The following MYH10 variants were observed in gnomAD, a reference collection of about 807,000 sequenced individuals.
MYH10 encodes the protein myosin-10.
MYH10 carries 55 observed loss-of-function variants against 257.8 expected under a neutral mutation model. That is an observed-to-expected ratio of 0.21 (90% CI 0.17 to 0.27). The LOEUF is 0.27. Among genes scored for constraint, MYH10 ranks in the 10% least tolerant of loss-of-function variants. The pLI, the probability that MYH10 is intolerant of heterozygous loss-of-function variation, is 1.00. For synonymous variants in MYH10, 854 were observed against 921.7 expected, an observed-to-expected ratio of 0.93 and a Z score of 1.33; for missense variants, 1,631 against 2,500.6, an observed-to-expected ratio of 0.65 and a Z score of 7.42.
rs531976889 is a variant in MYH10, at chr17:8,567,852, T to C, written c.756+1868A>G. On this transcript the variant is annotated intron_variant, in intron 7 of 42. Transcript: ENST00000360416. Reference sequence around the variant, plus strand: ...GCAAAAACAGCAATCAGGTAGTTTTTAAAACTAACTCTGAGATTAAAGGAG... The same window carrying C: ...GCAAAAACAGCAATCAGGTAGTTTTCAAAACTAACTCTGAGATTAAAGGAG... 2.6e-5 allele frequency among the ~76,000 whole-genome samples: 4 copies of C among 152,328 alleles called. No homozygotes were observed. The South Asian group carries it at 8.3e-4, about 32-fold the overall frequency.
chr17:8,525,143 C>T (rs150214348), intron 17 of MYH10, among the ~76,000 whole-genome samples: 5 of 152,340 alleles, frequency 3.3e-5, no homozygotes, highest in Non-Finnish European at 7.3e-5. Flanking sequence ...GCCTGGAATG[C>T]CCAGCCCGCT....
chr17:8,514,014 C>A, intron 21 of MYH10, 120 bp from the exon 22 acceptor site: 2 of 870,186 alleles, frequency 2.3e-6, no homozygotes, highest in Non-Finnish European at 3.5e-6. Context: ...ATGATTGCAT[C>A]AATCAAGTCC....
Position 8,504,595 on chromosome 17 carries a change from C to T in MYH10, c.3599+99G>A, listed in dbSNP as rs1295798957. 2 of 1,053,828 alleles carry T rather than the reference C, an allele frequency of 1.9e-6. No homozygotes were observed. The highest frequency in any genetic ancestry group is 1.6e-5 in the African/African-American group (1 of 62,952). The allele number at this position is 1,053,828 out of a possible 1,614,324, so 65.3% of individuals were successfully genotyped here. On this transcript the variant is annotated intron_variant, in intron 28 of 42. Coordinates refer to ENST00000360416, the MANE Select transcript of MYH10 (RefSeq NM_001256012.3). The surrounding 1 kb of genome is among the most constrained non-coding windows in gnomAD (Gnocchi z 5.6). ...CCACCTGCCATCACAAGGAAAAGCA[C>T]ACCACCTCCCAAAGATAGCAAGCAC...
intron 2 of MYH10, among the ~76,000 whole-genome samples, chr17:8,610,739 G>A (rs139624917): frequency 1.6e-3 from 238 of 152,252 alleles, no homozygotes; most frequent in African/African-American, 5.1e-3. Context: ...CCGCAAGAAG[G>A]CCCCACCAGA....
At chr17:8,563,636 T>C (rs904975906) in intron 7 of MYH10, among the ~76,000 whole-genome samples, 2 of 152,174 alleles carry the variant, frequency 1.3e-5, no homozygotes, top group African/African-American at 2.4e-5. Context: ...CCTCAGTAAA[T>C]CTTTCAGGTA....
chr17:8,556,445 T>C (rs1485425455), intron 7 of MYH10, among the ~76,000 whole-genome samples: 1 of 152,194 alleles, frequency 6.6e-6, no homozygotes, highest in East Asian at 1.9e-4. Context: ...TGACAAGGAA[T>C]AAACCAGGGA....
rs878947551 is a variant in MYH10 at position 8,561,289 on chromosome 17, T to C, written c.757-7271A>G. 41 of 1,055,368 alleles carry C rather than the reference T, an allele frequency of 3.9e-5. No individual in the cohort carries two copies. The South Asian group carries it at 5.0e-4, about 13-fold the overall frequency. 65.4% of individuals were successfully genotyped at this position (1,055,368 alleles called of 1,614,324 possible). ...AAAAGGGCCGCGGCCACGTGCAGGCTATTCGCTGCACTAACTGTGCCCGAT... is the reference window on the plus strand; with the variant it reads ...AAAAGGGCCGCGGCCACGTGCAGGCCATTCGCTGCACTAACTGTGCCCGAT... On this transcript the variant is annotated intron_variant, in intron 7 of 42. Coordinates refer to ENST00000360416, the MANE Select transcript of MYH10 (RefSeq NM_001256012.3).
Position 8,542,251 on chromosome 17 carries a change from G to A in MYH10, c.1461C>T (p.Asn487=). 6.2e-7 allele frequency: 1 copy of A among 1,614,044 alleles called. No individual in the cohort carries two copies. The highest frequency in any genetic ancestry group is 8.5e-7 in the Non-Finnish European group (1 of 1,180,002). Residue 487 remains asparagine, a synonymous_variant, in exon 14 of 43, where the codon AAC becomes AAT. Transcript: ENST00000360416. ...ELNSFEQLCI[N]YTNEKLQQLF... is the part of the protein sequence containing the mutation. ...GCTGCTGCAGCTTCTCATTGGTGTA[G>A]TTGATGCAAAGTTGTTCAAAGGAGT... is the stretch of plus-strand genomic sequence containing the variant.
Position 8,477,344 on chromosome 17 carries a change from C to T in MYH10, c.5707-296G>A, listed in dbSNP as rs1029830452. On this transcript the variant is annotated intron_variant, in intron 41 of 42. Transcript: ENST00000360416. The surrounding 1 kb of genome is among the most constrained non-coding windows in gnomAD (Gnocchi z 4.2). ...TGACAGCGTTTACTGTCTTCACACA[C>T]GTGACCTAGGGGACTGAAAGGGAAT... is the stretch of plus-strand genomic sequence containing the variant. Among the ~76,000 whole-genome samples the T allele has an allele frequency of 7.2e-5, 11 of 152,156 alleles. No individual in the cohort carries two copies. Among genetic ancestry groups the T allele is most frequent in the Admixed American group, 2.0e-4 (3 of 15,284 alleles).
In MYH10 at chr17:8,506,284, G is replaced by C; in HGVS notation, c.3386+34C>G. 1.3e-6 allele frequency: 2 copies of C among 1,535,494 alleles called. No individual in the cohort carries two copies. Among genetic ancestry groups the C allele is most frequent in the South Asian group, 1.3e-5 (1 of 76,884 alleles). On this transcript the variant is annotated intron_variant, in intron 27 of 42. Transcript: ENST00000360416. This position sits in a 1 kb window ranked among gnomAD's most constrained non-coding sequence, Gnocchi z 5.0. ...AAGTCTGCTGAAACTCAGCCCCATG[G>C]GCTCCCGTGCAGCGCAGCTGCTGGG...
intron 2 of MYH10, among the ~76,000 whole-genome samples, chr17:8,612,369 C>T (rs1461957718): frequency 6.6e-6 from 1 of 152,146 alleles, no homozygotes; most frequent in East Asian, 1.9e-4. Flanking sequence ...AATCAATCTT[C>T]TATCTGTGAA....
At chr17:8,498,991 A>G (rs745836939) in intron 30 of MYH10, among the ~76,000 whole-genome samples, 51 of 152,334 alleles carry the variant, frequency 3.3e-4, no homozygotes, top group Non-Finnish European at 5.3e-4. Context: ...ACTAATGGAG[A>G]AGCTGAAGTG....
In MYH10 at chr17:8,511,071, T is replaced by TATATATATATATATATATATAC. The variant is rs1336387130; in HGVS notation, c.2953-1123_2953-1122insGTATATATATATATATATATAT. The TATATATATATATATATATATAC allele has an allele frequency of 1.9e-4, 16 of 82,324 alleles. 1 individual carries two copies. In the East Asian group the frequency reaches 2.1e-3, roughly 11 times the overall value. 5.1% of individuals were successfully genotyped at this position (82,324 alleles called of 1,614,324 possible). ...ATATATATATATATACACACATACA[T>TATATATATATATATATATATAC]ACATACACACACACACACTTAATAT... On this transcript the variant is annotated intron_variant, in intron 24 of 42. Coordinates refer to ENST00000360416, the MANE Select transcript of MYH10 (RefSeq NM_001256012.3).
At chr17:8,525,711 T>C (rs774934058) in intron 17 of MYH10, among the ~76,000 whole-genome samples, 3 of 152,214 alleles carry the variant, frequency 2.0e-5, no homozygotes, top group Non-Finnish European at 4.4e-5. Context: ...ATAATAATCC[T>C]GATTTTCAAA....
chr17:8,615,204 A>G (rs2085209840), intron 2 of MYH10, among the ~76,000 whole-genome samples: 1 of 152,120 alleles, frequency 6.6e-6, no homozygotes, highest in African/African-American at 2.4e-5. Flanking sequence ...ACATGAGCCC[A>G]GGACTTCAAG....
chr17:8,615,207 A>G (rs1243603112), intron 2 of MYH10, among the ~76,000 whole-genome samples: 1 of 152,100 alleles, frequency 6.6e-6, no homozygotes, highest in African/African-American at 2.4e-5. Flanking sequence ...TGAGCCCAGG[A>G]CTTCAAGGCT....
chr17:8,476,044 T>C, intron 42 of MYH10, 96 bp from the exon 43 acceptor site: 1 of 1,383,654 alleles, frequency 7.2e-7, no homozygotes, highest in Non-Finnish European at 9.7e-7. Flanking sequence ...ACCTTCCCCT[T>C]GCACCCCCTC....
At chr17:8,588,606 C>T (rs1325140129) in intron 4 of MYH10, among the ~76,000 whole-genome samples, 1 of 152,216 alleles carries the variant, frequency 6.6e-6, no homozygotes, top group Non-Finnish European at 1.5e-5. Context: ...ACTGAATAGC[C>T]TCCTAACTGG....
intron 2 of MYH10, among the ~76,000 whole-genome samples, chr17:8,622,187 T>C (rs375551551): frequency 6.6e-6 from 1 of 152,228 alleles, no homozygotes; most frequent in Non-Finnish European, 1.5e-5. Context: ...CTTCAAATCA[T>C]TGCCACCTCT....
Sources: allele counts gnomAD v4.1 joint callset (sites outside exome capture counted in the v4.1 genomes callset), GRCh38; gene constraint gnomAD v4.1.1; non-coding constraint Gnocchi (gnomAD v3.1); transcripts MANE v1.5; gene names NCBI Gene and HGNC (gene_info 2026-07-23, HGNC 2026-07-21).